Variants in GMPS observed in about 807,000 individuals in gnomAD.
The protein encoded by GMPS is guanosine monophosphate synthase, also known as GMP synthase [glutamine-hydrolyzing].
A neutral mutation model predicts 77.9 loss-of-function variants in GMPS; 15 were observed. The ratio of observed to expected loss-of-function variants is 0.19; its 90% CI spans 0.13 to 0.30. The LOEUF is 0.30. Ranked by LOEUF, GMPS falls within the 10% of genes least tolerant of loss-of-function variation. The pLI is 1.00. For synonymous variants in GMPS, 224 were observed against 275.9 expected (o/e 0.81, Z 1.86); for missense variants, 590 against 838.8 (o/e 0.70, Z 3.66).
intron 7 of GMPS, among the ~76,000 whole-genome samples, chr3:155,913,285 A>G (rs1755086228): frequency 6.6e-6 from 1 of 152,352 alleles, no homozygotes; most frequent in Non-Finnish European, 1.5e-5. Context: ...CCAGTAGCTA[A>G]GTTTTATTAG....
chr3:155,884,606 T>G (rs975817529), intron 1 of GMPS, among the ~76,000 whole-genome samples: 2 of 152,084 alleles, frequency 1.3e-5, no homozygotes, highest in Admixed American at 1.3e-4. Flanking sequence ...AAAATCAGAT[T>G]AGAAATTGTG....
At position 155,893,577 on chromosome 3, in the gene GMPS, C is replaced by T. The variant is rs371845228; in HGVS notation, c.87C>T (p.Val29=). 158 of 1,612,388 alleles carry T rather than the reference C, an allele frequency of 9.8e-5. No homozygotes were observed. Among genetic ancestry groups the T allele is most frequent in the Non-Finnish European group, 1.3e-4 (148 of 1,178,660 alleles). Residue 29 remains valine, a synonymous_variant, in exon 2 of 16, where the codon GTC becomes GTT. Transcript: ENST00000496455. The part of the protein sequence containing the change: ...DGHHHYEGAV[V]ILDAGAQYGK... Reference sequence around the variant, plus strand: ...ACCACCACTATGAAGGAGCTGTTGTCATTCTGGATGCTGGTGCTCAGTACG... The same window carrying T: ...ACCACCACTATGAAGGAGCTGTTGTTATTCTGGATGCTGGTGCTCAGTACG...
intron 1 of GMPS, among the ~76,000 whole-genome samples, chr3:155,883,996 G>A (rs1754270864): frequency 6.6e-6 from 1 of 151,932 alleles, no homozygotes; most frequent in Admixed American, 6.6e-5. Flanking sequence ...TTGTTCCTCA[G>A]TTGGCTAATG....
intron 13 of GMPS, among the ~76,000 whole-genome samples, chr3:155,934,370 G>T (rs1372360536): frequency 6.6e-6 from 1 of 152,160 alleles, no homozygotes; most frequent in Non-Finnish European, 1.5e-5. Flanking sequence ...TCTAGGGGAG[G>T]ATCCTTCCTT....
rs572310405 is a variant in GMPS, at chr3:155,942,733, A to G, written c.*5041A>G. 1.3e-5 allele frequency: 3 copies of G among 226,536 alleles called. No homozygotes were observed. Among genetic ancestry groups the G allele is most frequent in the South Asian group, 1.8e-4 (1 of 5,474 alleles). The allele number at this position is 226,536 out of a possible 1,614,324, so 14.0% of individuals were successfully genotyped here. A position where few individuals can be genotyped will look rare whatever the true frequency, so the allele number is the denominator to read the frequency against. ...CTTCTTACTTCTTTACTTTTCCTTCAGAGAGGAGAAAGCCACCCCTGTGCT... is the reference window on the plus strand; with the variant it reads ...CTTCTTACTTCTTTACTTTTCCTTCGGAGAGGAGAAAGCCACCCCTGTGCT... On this transcript the variant is annotated 3_prime_UTR_variant, in exon 16 of 16. Coordinates refer to ENST00000496455, the MANE Select transcript of GMPS (RefSeq NM_003875.3).
chr3:155,913,265 G>A (rs553761977), intron 7 of GMPS, among the ~76,000 whole-genome samples: 1 of 152,288 alleles, frequency 6.6e-6, no homozygotes, highest in East Asian at 1.9e-4. Context: ...TCATCTTACG[G>A]TGAAGGCCTC....
At chr3:155,887,532 G>C (rs976487222) in intron 1 of GMPS, among the ~76,000 whole-genome samples, 5 of 152,210 alleles carry the variant, frequency 3.3e-5, no homozygotes, top group Admixed American at 1.3e-4. Flanking sequence ...CTATAAAAAG[G>C]TGAGGAGGTG....
chr3:155,886,534 A>G (rs1335138712), intron 1 of GMPS, among the ~76,000 whole-genome samples: 1 of 136,626 alleles, frequency 7.3e-6, no homozygotes, highest in South Asian at 2.4e-4. Context: ...GCGCCACTGC[A>G]CTCTAGCCCG....
chr3:155,895,980 G>A (rs1184050673), intron 2 of GMPS, among the ~76,000 whole-genome samples: 1 of 151,482 alleles, frequency 6.6e-6, no homozygotes, highest in Non-Finnish European at 1.5e-5. Flanking sequence ...GTGTTTTATA[G>A]AATTTTAGCT....
chr3:155,911,328 A>G (rs2108103872), intron 7 of GMPS, 49 bp downstream of exon 7: 1 of 1,212,882 alleles, frequency 8.2e-7, no homozygotes. Context: ...GACTTGTTTA[A>G]TCAAATCTAG....
intron 9 of GMPS, among the ~76,000 whole-genome samples, chr3:155,918,840 G>A (rs992673634): frequency 3.3e-5 from 5 of 152,016 alleles, no homozygotes; most frequent in East Asian, 1.9e-4. Flanking sequence ...TCAGATATAC[G>A]ACTTGCAAAT....
At chr3:155,895,986 T>C (rs1754591442) in intron 2 of GMPS, among the ~76,000 whole-genome samples, 1 of 151,966 alleles carries the variant, frequency 6.6e-6, no homozygotes, top group Non-Finnish European at 1.5e-5. Flanking sequence ...TATAGAATTT[T>C]AGCTTCTGTT....
intron 12 of GMPS, among the ~76,000 whole-genome samples, chr3:155,930,119 G>T (rs1165851243): frequency 6.9e-6 from 1 of 145,132 alleles, no homozygotes; most frequent in Non-Finnish European, 1.5e-5. Context: ...ATACTACAAC[G>T]CTACAGTAAC....
At chr3:155,873,638 C>CTTTTTT (rs58365650) in intron 1 of GMPS, among the ~76,000 whole-genome samples, 2 of 82,574 alleles carry the variant, frequency 2.4e-5, no homozygotes, top group African/African-American at 4.6e-5. Flanking sequence ...TGAGTAAGTT[C>CTTTTTT]TTTTTTTTTT....
intron 9 of GMPS, among the ~76,000 whole-genome samples, chr3:155,918,636 T>A (rs1389544676): frequency 6.6e-6 from 1 of 152,200 alleles, no homozygotes; most frequent in Non-Finnish European, 1.5e-5. Context: ...AAAAATAATT[T>A]TAAGTTCGAG....
chr3:155,919,650 G>GT (rs1432466372), intron 10 of GMPS, among the ~76,000 whole-genome samples: 2 of 152,172 alleles, frequency 1.3e-5, no homozygotes, highest in African/African-American at 2.4e-5. Context: ...CACAGTCCTA[G>GT]TAGTAGAGCT....
intron 1 of GMPS, among the ~76,000 whole-genome samples, chr3:155,887,890 C>T (rs1391113738): frequency 2.0e-5 from 3 of 152,102 alleles, no homozygotes; most frequent in African/African-American, 7.2e-5. Context: ...TTGTACCAAA[C>T]TTTCAACTTT....
In GMPS at chr3:155,942,713, T is replaced by A; in HGVS notation, c.*5021T>A. The stretch of plus-strand genomic sequence containing the variant: ...GCTGTTCTTTCAACCTCTTTCTTCT[T>A]ACTTCTTTACTTTTCCTTCAGAGAG... On this transcript the variant is annotated 3_prime_UTR_variant, in exon 16 of 16. Transcript: ENST00000496455. 4.4e-6 allele frequency: 1 copy of A among 227,782 alleles called. No homozygotes were observed. The highest frequency in any genetic ancestry group is 8.7e-6 in the Non-Finnish European group (1 of 114,666). The allele number at this position is 227,782 out of a possible 1,614,324, so 14.1% of individuals were successfully genotyped here. A position where few individuals can be genotyped will look rare whatever the true frequency, so the allele number is the denominator to read the frequency against.
rs74923324 is a variant in GMPS at position 155,877,593 on chromosome 3, T to C, written c.27+6696T>C. Among the ~76,000 whole-genome samples the C allele has an allele frequency of 3.6e-3, 541 of 152,270 alleles. 1 individual carries two copies. Among genetic ancestry groups the C allele is most frequent in the Non-Finnish European group, 6.2e-3 (420 of 68,030 alleles). ...CCTAGTCAACCACAAATTCATTTTC[T>C]GTCTGTAGATTTGCCAATTGTCTTA... On this transcript the variant is annotated intron_variant, in intron 1 of 15. Coordinates refer to ENST00000496455, the MANE Select transcript of GMPS (RefSeq NM_003875.3).
Sources: gnomAD v4.1 joint callset for allele counts (sites outside exome capture counted in the v4.1 genomes callset) on GRCh38, gnomAD v4.1.1 for gene constraint, MANE v1.5 for transcripts, NCBI Gene and HGNC (gene_info 2026-07-23, HGNC 2026-07-21) for gene names.